COL25A1: variants seen among roughly 807,000 people sequenced by gnomAD.
The protein encoded by COL25A1 is collagen alpha-1(XXV) chain.
Under a neutral mutation model 128.4 loss-of-function variants are expected in COL25A1, and 103 were observed. That is an observed-to-expected ratio of 0.80 (90% CI 0.68 to 0.94). The LOEUF is 0.94. Ranked by LOEUF, COL25A1 falls within the 40% of genes least tolerant of loss-of-function variation. The probability of loss-of-function intolerance (pLI) is 0.00; values close to 1 mark genes in which losing one functional copy is unlikely to be tolerated. For synonymous variants in COL25A1, 279 were observed against 277.2 expected (o/e 1.01, Z -0.06); for missense variants, 745 against 840.0 (o/e 0.89, Z 1.40).
chr4:108,899,592 T>C (rs1742577052), intron 14 of COL25A1, among the ~76,000 whole-genome samples: 1 of 152,106 alleles, frequency 6.6e-6, no homozygotes, highest in Non-Finnish European at 1.5e-5. Flanking sequence ...TTCAAAGTGT[T>C]CCCCGGTTCA....
intron 3 of COL25A1, among the ~76,000 whole-genome samples, chr4:109,279,629 TGA>T (rs1723177249): frequency 6.6e-6 from 1 of 152,050 alleles, no homozygotes; most frequent in Non-Finnish European, 1.5e-5. Flanking sequence ...AAATAAACTG[TGA>T]GTTTTGAAAA....
intron 3 of COL25A1, among the ~76,000 whole-genome samples, chr4:109,114,561 T>C (rs1382033085): frequency 6.6e-6 from 1 of 151,988 alleles, no homozygotes; most frequent in Admixed American, 6.6e-5. Flanking sequence ...GGGAGCTGCA[T>C]GTGAAAGTCA....
intron 3 of COL25A1, among the ~76,000 whole-genome samples, chr4:109,135,168 T>C (rs1769607754): frequency 6.6e-6 from 1 of 152,040 alleles, no homozygotes; most frequent in African/African-American, 2.4e-5. Context: ...TGGCTTTTGG[T>C]AGTAAGCTGG....
chr4:109,012,365 C>T (rs1756681758), intron 5 of COL25A1, among the ~76,000 whole-genome samples: 1 of 152,076 alleles, frequency 6.6e-6, no homozygotes, highest in African/African-American at 2.4e-5. Context: ...TTGGCGTTCG[C>T]TCTGGCTACG....
At chr4:109,119,162 T>C (rs1033725541) in intron 3 of COL25A1, among the ~76,000 whole-genome samples, 2 of 151,924 alleles carry the variant, frequency 1.3e-5, no homozygotes, top group Non-Finnish European at 2.9e-5. Context: ...TTGAACTAAA[T>C]GAAAATAAAA....
At chr4:109,007,840 C>T (rs539103860) in intron 6 of COL25A1, among the ~76,000 whole-genome samples, 13 of 152,200 alleles carry the variant, frequency 8.5e-5, no homozygotes, top group African/African-American at 3.1e-4. Flanking sequence ...TCTTAGCCAC[C>T]ATCATCCACG....
chr4:109,261,588 C>T (rs907908256), intron 3 of COL25A1, among the ~76,000 whole-genome samples: 3 of 152,130 alleles, frequency 2.0e-5, no homozygotes, highest in Non-Finnish European at 4.4e-5. Flanking sequence ...AGTTTGTTCC[C>T]TTGAGCATCT....
rs60794002 is a variant in COL25A1, at chr4:109,256,085, G to GGTGTGTGTGT, written c.367+44488_367+44497dup. 4.7e-3 allele frequency among the ~76,000 whole-genome samples: 678 copies of GGTGTGTGTGT among 143,340 alleles called. 7 individuals are homozygous for GGTGTGTGTGT. Among genetic ancestry groups the GGTGTGTGTGT allele is most frequent in the Middle Eastern group, 0.018 (5 of 278 alleles). 94.0% of individuals were successfully genotyped at this position (143,340 alleles called of 152,430 possible). A position where few individuals can be genotyped will look rare whatever the true frequency, so the allele number is the denominator to read the frequency against. ...TGTGGATATTAACATTTTAAGCATT[G>GGTGTGTGTGT]GTGTGTGTGTGTGTGTGTGTGTGTG... On this transcript the variant is annotated intron_variant, in intron 3 of 37. Transcript: ENST00000399132.
At chr4:108,817,500 C>T (rs1397650077) in intron 36 of COL25A1, 65 bp from the exon 37 acceptor site, 6 of 1,479,450 alleles carry the variant, frequency 4.1e-6, no homozygotes, top group East Asian at 2.3e-5. Context: ...TCATAATTCA[C>T]ATGCTCAGAG....
chr4:109,162,044 T>C (rs558919141), intron 3 of COL25A1, among the ~76,000 whole-genome samples: 34 of 152,172 alleles, frequency 2.2e-4, no homozygotes, highest in Non-Finnish European at 7.3e-5. Flanking sequence ...AGTAATGTAG[T>C]ATCAAGAACA....
At position 109,171,614 on chromosome 4, in the gene COL25A1, A is replaced by G. The variant is rs553834504; in HGVS notation, c.368-121435T>C. ...GAAAATAAGAGGAGAAATATTAACA[A>G]CTCTTCTATCACAGTTATTTGTCTT... is the stretch of plus-strand genomic sequence containing the variant. On this transcript the variant is annotated intron_variant, in intron 3 of 37. Transcript: ENST00000399132. Among the ~76,000 whole-genome samples, 6 of 152,102 alleles carry G rather than the reference A, an allele frequency of 3.9e-5. No homozygotes were observed. In the South Asian group the frequency reaches 1.0e-3, roughly 26 times the overall value.
intron 3 of COL25A1, among the ~76,000 whole-genome samples, chr4:109,218,052 C>A (rs1264733618): frequency 6.6e-6 from 1 of 152,156 alleles, no homozygotes; most frequent in Non-Finnish European, 1.5e-5. Flanking sequence ...CACCTTTATG[C>A]ACTATTCTAT....
chr4:108,833,463 C>A (rs1733412184), intron 31 of COL25A1, among the ~76,000 whole-genome samples: 1 of 152,174 alleles, frequency 6.6e-6, no homozygotes, highest in Non-Finnish European at 1.5e-5. Context: ...TTGCCTGAAA[C>A]AAGTTTTTAG....
rs746513938 is a variant in COL25A1, at chr4:108,841,669, A to T, written c.1656+26T>A. On this transcript the variant is annotated intron_variant, in intron 31 of 37. Transcript: ENST00000399132. ...ATGATTATCAAGGAAGCAGAAATCA[A>T]ATAATCAAGGGATTTGTTGGATTAC... The T allele has an allele frequency of 1.9e-6, 3 of 1,598,098 alleles. No individual in the cohort carries two copies. The East Asian group carries it at 6.7e-5, about 36-fold the overall frequency.
intron 3 of COL25A1, among the ~76,000 whole-genome samples, chr4:109,120,033 T>C (rs1767978237): frequency 6.6e-6 from 1 of 151,748 alleles, no homozygotes; most frequent in Non-Finnish European, 1.5e-5. Context: ...AAAAGAAAAA[T>C]CACATGGTCT....
intron 8 of COL25A1, among the ~76,000 whole-genome samples, chr4:108,945,440 T>C (rs1748613758): frequency 6.6e-6 from 1 of 152,186 alleles, no homozygotes. Context: ...CTCTAGCTGC[T>C]CATACAGAGG....
At chr4:109,037,709 C>A (rs75683457) in intron 5 of COL25A1, among the ~76,000 whole-genome samples, 1 of 152,194 alleles carries the variant, frequency 6.6e-6, no homozygotes, top group Non-Finnish European at 1.5e-5. Context: ...CACTTCTGAG[C>A]CATGTGTGCC....
At chr4:108,963,696 T>C (rs1325470082) in intron 8 of COL25A1, among the ~76,000 whole-genome samples, 4 of 152,024 alleles carry the variant, frequency 2.6e-5, no homozygotes, top group African/African-American at 4.8e-5. Context: ...GGATTATTAA[T>C]ATATTACTTA....
intron 3 of COL25A1, among the ~76,000 whole-genome samples, chr4:109,297,341 G>A (rs1368902765): frequency 6.6e-6 from 1 of 152,006 alleles, no homozygotes; most frequent in Non-Finnish European, 1.5e-5. Flanking sequence ...TTGAAAAGGA[G>A]TCACATAATT....
Sources: allele counts gnomAD v4.1 joint callset (sites outside exome capture counted in the v4.1 genomes callset), GRCh38; gene constraint gnomAD v4.1.1; transcripts MANE v1.5; gene names NCBI Gene and HGNC (gene_info 2026-07-23, HGNC 2026-07-21).